Variants in RHD observed in about 807,000 individuals in gnomAD.
RHD encodes the protein blood group Rh(D) polypeptide.
In RHD, 16 loss-of-function variants were observed where a neutral mutation model predicts 45.5. The ratio of observed to expected loss-of-function variants is 0.35; its 90% confidence interval spans 0.24 to 0.53. The LOEUF is 0.53. Among genes scored for constraint, RHD ranks in the 20% least tolerant of loss-of-function variants. The pLI, the probability that RHD is intolerant of heterozygous loss-of-function variation, is 0.92. For missense variants in RHD, 306 were observed against 532.0 expected (o/e 0.58, Z 4.18); for synonymous variants, 131 against 217.5 (o/e 0.60, Z 3.50).
rs1352564224 is a variant in RHD at position 25,321,649 on chromosome 1, G to A, written c.1154-240G>A. On this transcript the variant is annotated intron_variant, in intron 8 of 9. Coordinates refer to ENST00000328664, the MANE Select transcript of RHD (RefSeq NM_016124.6). ...CACGCCATTGTACTCCAGCCTGGGC[G>A]ATAGAGTGAGACTCTGTCTCAAAAT... 1.1e-4 allele frequency among the ~76,000 whole-genome samples: 10 copies of A among 89,100 alleles called. 1 individual carries two copies. The highest frequency in any genetic ancestry group is 4.2e-4 in the South Asian group (1 of 2,384). The allele number at this position is 89,100 out of a possible 152,430, so 58.5% of individuals were successfully genotyped here.
chr1:25,301,638 A>C lies in RHD; in HGVS notation c.753A>C (p.Thr251=), dbSNP rs371556679. 6 of 1,380,152 alleles carry C rather than the reference A, an allele frequency of 4.3e-6. 1 individual carries two copies. Among genetic ancestry groups the C allele is most frequent in the African/African-American group, 4.2e-5 (3 of 70,672 alleles). The allele number at this position is 1,380,152 out of a possible 1,614,324, so 85.5% of individuals were successfully genotyped here. ...ATGCTGTAGCAGTCAGCGTGGTGAC[A>C]GCCATCTCAGGGTCATCCTTGGCTC... is the stretch of plus-strand genomic sequence containing the variant. ...TYYAVAVSVV[T]AISGSSLAHP... is the part of the protein sequence containing the mutation. The change falls in exon 5 of 10, where the codon ACA becomes ACC. Residue 251 remains threonine, a synonymous_variant. Coordinates refer to ENST00000328664, the MANE Select transcript of RHD (RefSeq NM_016124.6).
chr1:25,308,856 A>G lies in RHD; in HGVS notation c.1073+2127A>G, dbSNP rs557130837. Among the ~76,000 whole-genome samples the G allele has an allele frequency of 3.0e-5, 4 of 131,598 alleles. No homozygotes were observed. The East Asian group carries it at 7.8e-4, about 26-fold the overall frequency. 86.3% of individuals were successfully genotyped at this position (131,598 alleles called of 152,430 possible). A position where few individuals can be genotyped will look rare whatever the true frequency, so the allele number is the denominator to read the frequency against. ...CGTGGGCTTCACCAGTGGTGAAGCC[A>G]GTCATGCAGCCTTAGTCCTGGTACT... is the stretch of plus-strand genomic sequence containing the variant. On this transcript the variant is annotated intron_variant, in intron 7 of 9. Transcript: ENST00000328664.
intron 3 of RHD, chr1:25,294,252 A>C: frequency 1.0e-6 from 1 of 991,586 alleles, no homozygotes; most frequent in East Asian, 2.3e-5. Flanking sequence ...TAAAGCTGAA[A>C]ATGCCAAAAG....
At chr1:25,306,163 C>T (rs146963645) in intron 6 of RHD, among the ~76,000 whole-genome samples, 6,005 of 131,434 alleles carry the variant, frequency 0.046, 1,620 homozygotes, top group Non-Finnish European at 0.075. Flanking sequence ...TGTCTGGAGG[C>T]GTTCTTGGTT....
At chr1:25,295,317 G>A (rs2986157) in intron 3 of RHD, among the ~76,000 whole-genome samples, 51,928 of 98,616 alleles carry the variant, frequency 0.53, 8,537 homozygotes, top group East Asian at 0.82. Context: ...CTGTTGTGAG[G>A]ATTGAACAAG....
intron 7 of RHD, among the ~76,000 whole-genome samples, chr1:25,312,864 G>A (rs1484155306): frequency 3.1e-5 from 3 of 96,184 alleles, no homozygotes; most frequent in Non-Finnish European, 6.8e-5. Context: ...AGGCTGCAGT[G>A]AGCTATGATC....
rs1251454586 is a variant in RHD, at chr1:25,306,319, C to T, written c.940-277C>T. On this transcript the variant is annotated intron_variant, in intron 6 of 9. Transcript: ENST00000328664. ...CAGTGTCTACACTAGACCCTTGCTACTCATAGTGTGGTCCGTAGACCAGCA... is the reference window on the plus strand; with the variant it reads ...CAGTGTCTACACTAGACCCTTGCTATTCATAGTGTGGTCCGTAGACCAGCA... 6.4e-4 allele frequency among the ~76,000 whole-genome samples: 85 copies of T among 132,110 alleles called. 25 individuals carry two copies. The highest frequency in any genetic ancestry group is 3.7e-3 in the Admixed American group (51 of 13,690). 86.7% of individuals were successfully genotyped at this position (132,110 alleles called of 152,430 possible).
intron 7 of RHD, among the ~76,000 whole-genome samples, chr1:25,309,011 A>G (rs371128974): frequency 1.5e-5 from 2 of 132,360 alleles, no homozygotes; most frequent in East Asian, 1.9e-4. Flanking sequence ...CATCCGTATG[A>G]GGACATCTCT....
chr1:25,287,914 G>A (rs1410067917), intron 2 of RHD, among the ~76,000 whole-genome samples: 1 of 131,198 alleles, frequency 7.6e-6, no homozygotes, highest in African/African-American at 2.6e-5. Flanking sequence ...GTAGACAAGG[G>A]GTTTCACCAG....
chr1:25,282,564 G>T (rs1247255787), intron 1 of RHD, among the ~76,000 whole-genome samples: 1 of 132,410 alleles, frequency 7.6e-6, no homozygotes, highest in East Asian at 1.9e-4. Flanking sequence ...AATAGGAAAT[G>T]ATAGAGCTGG....
intron 2 of RHD, among the ~76,000 whole-genome samples, chr1:25,288,062 G>C (rs1278377880): frequency 7.5e-6 from 1 of 133,084 alleles, no homozygotes; most frequent in Non-Finnish European, 1.8e-5. Context: ...CTGTTGTCCA[G>C]GCTGGAGTGA....
At position 25,301,111 on chromosome 1, in the gene RHD, T is replaced by A. The variant is rs1191858456; in HGVS notation, c.634+18T>A. The A allele has an allele frequency of 5.8e-6, 8 of 1,373,884 alleles. 3 individuals carry two copies. The highest frequency in any genetic ancestry group is 8.2e-6 in the Non-Finnish European group (8 of 976,832). The allele number at this position is 1,373,884 out of a possible 1,614,324, so 85.1% of individuals were successfully genotyped here. A position where few individuals can be genotyped will look rare whatever the true frequency, so the allele number is the denominator to read the frequency against. ...CATGCTGGGTAAGGACAAGGTGGGG[T>A]GAGTGGTCTCCTACTTGGGCTGAGC... is the stretch of plus-strand genomic sequence containing the variant. On this transcript the variant is annotated intron_variant, in intron 4 of 9. Transcript: ENST00000328664.
At chr1:25,274,834 G>A (rs1211128320) in intron 1 of RHD, among the ~76,000 whole-genome samples, 8 of 120,960 alleles carry the variant, frequency 6.6e-5, no homozygotes, top group East Asian at 2.1e-4. Flanking sequence ...TGGCAAAACC[G>A]CATCTCTACT....
Position 25,274,794 on chromosome 1 carries a change from G to A in RHD, c.148+2099G>A, listed in dbSNP as rs1640800504. On this transcript the variant is annotated intron_variant, in intron 1 of 9. Coordinates refer to ENST00000328664, the MANE Select transcript of RHD (RefSeq NM_016124.6). ...GGCCAAGGCTGGAGAATCACCTGAG[G>A]TTAGGAGTTCGAGACCAGCCTGGCC... 2.2e-5 allele frequency among the ~76,000 whole-genome samples: 3 copies of A among 133,898 alleles called. No homozygotes were observed. The South Asian group carries it at 6.8e-4, about 30-fold the overall frequency. The allele number at this position is 133,898 out of a possible 152,430, so 87.8% of individuals were successfully genotyped here.
intron 1 of RHD, among the ~76,000 whole-genome samples, chr1:25,273,419 C>T (rs1330739682): frequency 2.0e-5 from 2 of 99,968 alleles, no homozygotes; most frequent in East Asian, 4.2e-4. Context: ...GCTGGAATTA[C>T]AGGCGTGAAG....
intron 1 of RHD, among the ~76,000 whole-genome samples, chr1:25,279,836 GC>G (rs1641319526): frequency 7.7e-6 from 1 of 130,542 alleles, no homozygotes; most frequent in South Asian, 2.3e-4. Flanking sequence ...AGGCATGGGC[GC>G]CCGGGTAGCA....
chr1:25,293,388 T>A lies in RHD; in HGVS notation c.486+2597T>A, dbSNP rs1386480678. On this transcript the variant is annotated intron_variant, in intron 3 of 9. Coordinates refer to ENST00000328664, the MANE Select transcript of RHD (RefSeq NM_016124.6). The stretch of plus-strand genomic sequence containing the variant: ...TTATACAACATTTTATTTAAAAAAA[T>A]TATTTTCATAGAATACATTTTCACA... 1.5e-5 allele frequency among the ~76,000 whole-genome samples: 2 copies of A among 130,284 alleles called. 1 individual carries two copies. The highest frequency in any genetic ancestry group is 3.6e-5 in the Non-Finnish European group (2 of 55,264). The allele number at this position is 130,284 out of a possible 152,430, so 85.5% of individuals were successfully genotyped here.
chr1:25,311,678 T>C (rs1644156794), intron 7 of RHD, among the ~76,000 whole-genome samples: 1 of 129,640 alleles, frequency 7.7e-6, no homozygotes, highest in African/African-American at 2.7e-5. Context: ...GAGGGCAGAA[T>C]GGTTTGGAAT....
At position 25,306,630 on chromosome 1, in the gene RHD, G is replaced by T. The variant is rs377051051; in HGVS notation, c.974G>T (p.Ser325Ile). The T allele has an allele frequency of 2.9e-6, 4 of 1,378,326 alleles. 1 individual carries two copies. The highest frequency in any genetic ancestry group is 4.5e-5 in the East Asian group (2 of 44,626). 85.4% of individuals were successfully genotyped at this position (1,378,326 alleles called of 1,614,324 possible). The change falls in exon 7 of 10, where the codon AGC becomes ATC. Residue 325 changes from serine (S) to isoleucine (I), a missense_variant. Coordinates refer to ENST00000328664, the MANE Select transcript of RHD (RefSeq NM_016124.6). The stretch of plus-strand genomic sequence containing the variant: ...AACCGAGTGCTGGGGATTCCCCACA[G>T]CTCCATCATGGGCTACAACTTCAGC... ...CCNRVLGIPH[S>I]SIMGYNFSLL...
Sources: allele counts gnomAD v4.1 joint callset (sites outside exome capture counted in the v4.1 genomes callset), GRCh38; gene constraint gnomAD v4.1.1; transcripts MANE v1.5; gene names NCBI Gene and HGNC (gene_info 2026-07-23, HGNC 2026-07-21).